ANXA7: variants seen among roughly 807,000 people sequenced by gnomAD.
ANXA7 encodes the protein annexin A7.
ANXA7 carries 55 observed loss-of-function variants against 64.9 expected under a neutral mutation model. The ratio of observed to expected loss-of-function variants is 0.85; its 90% CI spans 0.68 to 1.06. The LOEUF (loss-of-function observed/expected upper bound fraction) is 1.06, where lower values mean the gene tolerates loss of function less well. Among genes scored for constraint, ANXA7 ranks in the 50% least tolerant of loss-of-function variants. The pLI is 0.00. For missense variants in ANXA7, 548 were observed against 582.1 expected, an observed-to-expected ratio of 0.94 and a Z score of 0.60; for synonymous variants, 200 against 192.4, an observed-to-expected ratio of 1.04 and a Z score of -0.33.
chr10:73,402,310 C>T (rs1203396126), intron 1 of ANXA7, among the ~76,000 whole-genome samples: 1 of 151,494 alleles, frequency 6.6e-6, no homozygotes, highest in Non-Finnish European at 1.5e-5. Flanking sequence ...CACCTCAACA[C>T]CCCCCCTCCC....
At chr10:73,376,320 G>T in intron 12 of ANXA7, 103 bp from the exon 13 acceptor site, 1 of 1,123,816 alleles carries the variant, frequency 8.9e-7, no homozygotes. Flanking sequence ...CAAAACTTGG[G>T]GGGGAAAACA....
intron 5 of ANXA7, chr10:73,395,934 A>G: frequency 1.3e-6 from 1 of 761,816 alleles, no homozygotes; most frequent in South Asian, 1.4e-5. Flanking sequence ...AAGATAAAAT[A>G]GATACAGGTG....
intron 1 of ANXA7, among the ~76,000 whole-genome samples, chr10:73,405,117 C>G (rs955013451): frequency 6.6e-6 from 1 of 152,074 alleles, no homozygotes; most frequent in African/African-American, 2.4e-5. Context: ...GTGGCATGTG[C>G]CTGTAGTCCC....
intron 5 of ANXA7, among the ~76,000 whole-genome samples, chr10:73,394,778 G>A (rs188197045): frequency 3.1e-4 from 47 of 152,238 alleles, no homozygotes; most frequent in African/African-American, 8.9e-4. Context: ...GTTAACGGGT[G>A]CAGCACACCA....
At chr10:73,384,374 A>G (rs572147427) in intron 7 of ANXA7, among the ~76,000 whole-genome samples, 2 of 152,262 alleles carry the variant, frequency 1.3e-5, no homozygotes, top group African/African-American at 4.8e-5. Context: ...GGAAGTAGAA[A>G]CCATTATCAT....
At chr10:73,410,221 C>T (rs910660052) in intron 1 of ANXA7, among the ~76,000 whole-genome samples, 2 of 152,062 alleles carry the variant, frequency 1.3e-5, no homozygotes, top group African/African-American at 4.8e-5. Context: ...AAACAGACCA[C>T]CCACAGAATG....
intron 5 of ANXA7, among the ~76,000 whole-genome samples, chr10:73,388,772 T>C (rs1235634774): frequency 1.3e-5 from 2 of 152,182 alleles, no homozygotes; most frequent in Non-Finnish European, 2.9e-5. Context: ...AATGTTTGAT[T>C]TAAAAACAGA....
intron 5 of ANXA7, chr10:73,396,096 G>T (rs371572648): frequency 6.3e-7 from 1 of 1,594,012 alleles, no homozygotes; most frequent in East Asian, 2.2e-5. Flanking sequence ...GGAAGAAAAA[G>T]AATCTGTATT....
At chr10:73,397,742 G>A (rs2055599362) in intron 3 of ANXA7, among the ~76,000 whole-genome samples, 2 of 152,136 alleles carry the variant, frequency 1.3e-5, no homozygotes, top group South Asian at 4.2e-4. Context: ...ACAGGTGTGA[G>A]ACACCACACC....
chr10:73,387,847 T>A, intron 6 of ANXA7, 64 bp from the exon 7 acceptor site: 134 of 161,524 alleles, frequency 8.3e-4, no homozygotes, highest in Non-Finnish European at 1.3e-3. Context: ...TGAGGTCATC[T>A]TTTTTTTTTT....
intron 1 of ANXA7, among the ~76,000 whole-genome samples, chr10:73,412,795 CTTTTT>C (rs55814659): frequency 9.9e-5 from 13 of 131,618 alleles, no homozygotes; most frequent in South Asian, 4.9e-4. Flanking sequence ...CGCGCTCGGG[CTTTTT>C]TTTTTTTTTT....
chr10:73,384,839 G>A (rs2055338636), intron 7 of ANXA7, among the ~76,000 whole-genome samples: 1 of 152,132 alleles, frequency 6.6e-6, no homozygotes, highest in Admixed American at 6.5e-5. Flanking sequence ...CAGCTGGAGA[G>A]CTCAGAGAAA....
intron 6 of ANXA7, among the ~76,000 whole-genome samples, chr10:73,388,098 C>T (rs2055407949): frequency 6.6e-6 from 1 of 152,024 alleles, no homozygotes; most frequent in African/African-American, 2.4e-5. Context: ...CTGCCCACCT[C>T]GGCCTCCTAA....
At chr10:73,382,186 C>T (rs561659489) in intron 9 of ANXA7, among the ~76,000 whole-genome samples, 50 of 152,280 alleles carry the variant, frequency 3.3e-4, no homozygotes, top group African/African-American at 1.2e-3. Flanking sequence ...TCCCTTGGCT[C>T]TTAAGAGCCC....
intron 5 of ANXA7, 55 bp downstream of exon 5, chr10:73,396,464 G>C (rs1485403272): frequency 3.0e-6 from 4 of 1,336,138 alleles, no homozygotes; most frequent in Admixed American, 4.2e-5. Context: ...GCAAAGGATA[G>C]GTTCCTTCTT....
In ANXA7 at chr10:73,383,149, C is replaced by T. The variant is rs7358181; in HGVS notation, c.918+26G>A. ...TTTTAAAGTATGTTCCCTCTATCAA[C>T]GCACAAGCATTCATACTATACTCAC... On this transcript the variant is annotated intron_variant, in intron 9 of 12. Coordinates refer to ENST00000372921, the MANE Select transcript of ANXA7 (RefSeq NM_001156.5). 4,765 of 1,571,358 alleles carry T rather than the reference C, an allele frequency of 3.0e-3. 69 individuals are homozygous for T. In the African/African-American group the frequency reaches 0.035, roughly 12 times the overall value.
intron 7 of ANXA7, among the ~76,000 whole-genome samples, chr10:73,384,704 A>G (rs1305969053): frequency 6.6e-6 from 1 of 151,982 alleles, no homozygotes; most frequent in Non-Finnish European, 1.5e-5. Context: ...CCCAGCCGAT[A>G]TTGTTCTTAT....
intron 1 of ANXA7, among the ~76,000 whole-genome samples, chr10:73,409,560 A>C (rs777098798): frequency 1.4e-4 from 21 of 152,378 alleles, no homozygotes; most frequent in Non-Finnish European, 2.8e-4. Flanking sequence ...CATGGATTGA[A>C]AGAATCAATA....
chr10:73,380,338 G>C (rs981868133), intron 9 of ANXA7, 137 bp from the exon 10 acceptor site: 1 of 830,968 alleles, frequency 1.2e-6, no homozygotes, highest in African/African-American at 1.7e-5. Context: ...CTGTCACTCA[G>C]GCTGGAGTGC....
Sources: allele counts gnomAD v4.1 joint callset (sites outside exome capture counted in the v4.1 genomes callset), GRCh38; gene constraint gnomAD v4.1.1; transcripts MANE v1.5; gene names NCBI Gene and HGNC (gene_info 2026-07-23, HGNC 2026-07-21).